The following ARHGEF19 variants were observed in gnomAD, a reference collection of about 807,000 sequenced individuals.
The protein encoded by ARHGEF19 is Rho guanine nucleotide exchange factor 19.
Under a neutral mutation model 87.6 loss-of-function variants are expected in ARHGEF19, and 92 were observed. The observed-to-expected ratio is 1.05, with a 90% confidence interval of 0.89 to 1.25. The LOEUF is 1.25. Ranked by LOEUF, ARHGEF19 falls within the 50% of genes most tolerant of loss-of-function variation. The probability of loss-of-function intolerance (pLI) is 0.00; values close to 1 mark genes in which losing one functional copy is unlikely to be tolerated. For synonymous variants in ARHGEF19, 438 were observed against 446.2 expected, an observed-to-expected ratio of 0.98 and a Z score of 0.23; for missense variants, 1,054 against 1,051.8, an observed-to-expected ratio of 1.00 and a Z score of -0.03.
intron 1 of ARHGEF19, among the ~76,000 whole-genome samples, chr1:16,210,157 C>T (rs1330283155): frequency 1.3e-5 from 2 of 152,256 alleles, no homozygotes; most frequent in African/African-American, 4.8e-5. Flanking sequence ...GGCCCAGGCC[C>T]GCTGCTGATG....
chr1:16,208,360 A>G, intron 2 of ARHGEF19, 135 bp from the exon 3 acceptor site: 2 of 1,212,996 alleles, frequency 1.6e-6, no homozygotes, highest in Middle Eastern at 5.8e-4. Flanking sequence ...TTCTGCTAGC[A>G]TCTGGTCCCC....
In ARHGEF19 at chr1:16,205,810, C is replaced by A; in HGVS notation, c.1451+121G>T. The A allele has an allele frequency of 6.7e-7, 1 of 1,492,648 alleles. No individual in the cohort carries two copies. The highest frequency in any genetic ancestry group is 9.0e-7 in the Non-Finnish European group (1 of 1,114,628). The allele number at this position is 1,492,648 out of a possible 1,614,324, so 92.5% of individuals were successfully genotyped here. On this transcript the variant is annotated intron_variant, in intron 8 of 15. Transcript: ENST00000270747. This position sits in a 1 kb window ranked among gnomAD's most constrained non-coding sequence, Gnocchi z 5.8. ...GTTGCATCTCACCTTATCCTGGTCA[C>A]AGAGACCTTTTCAGGGACCCCTCCC...
chr1:16,204,687 A>G (rs950980793), intron 12 of ARHGEF19, 72 bp downstream of exon 12: 221 of 1,491,806 alleles, frequency 1.5e-4, no homozygotes, highest in Non-Finnish European at 1.8e-4. Flanking sequence ...TGGACTGGTC[A>G]TAAGCCCAGT....
rs1286353476 is a variant in ARHGEF19, at chr1:16,207,124, C to T, written c.961G>A (p.Ala321Thr). ...CCCGGCCCCTCCTCTGCGCCCTCGG[C>T]CTCGTCCCCCGGGCCCTCCTCCTCG... ...QREEEGPGDE[A>T]EGAEEGPGPP... The change falls in exon 6 of 16, where the codon GCC becomes ACC. Residue 321 changes from alanine to threonine, a missense_variant. Coordinates refer to ENST00000270747, the MANE Select transcript of ARHGEF19 (RefSeq NM_153213.5). This position sits in a 1 kb window ranked among gnomAD's most constrained non-coding sequence, Gnocchi z 4.0. 1 of 1,520,884 alleles carries T rather than the reference C, an allele frequency of 6.6e-7. No individual in the cohort carries two copies. The highest frequency in any genetic ancestry group is 8.8e-7 in the Non-Finnish European group (1 of 1,138,280). 94.2% of individuals were successfully genotyped at this position (1,520,884 alleles called of 1,614,324 possible).
rs2081163245 is a variant in ARHGEF19 at position 16,208,146 on chromosome 1, C to G, written c.492G>C (p.Gln164His). 1.9e-6 allele frequency: 3 copies of G among 1,613,438 alleles called. No homozygotes were observed. Among genetic ancestry groups the G allele is most frequent in the South Asian group, 1.1e-5 (1 of 91,062 alleles). Residue 164 changes from glutamine to histidine, a missense_variant, in exon 3 of 16, where the codon CAG becomes CAC. Transcript: ENST00000270747. ...EAHAVFLEPG[Q>H]VVQEQALSTE... Reference sequence around the variant, plus strand: ...TGCTCAGGGCCTGCTCTTGCACTACCTGGCCAGGCTCTAGGAAGACAGCGT... The same window carrying G: ...TGCTCAGGGCCTGCTCTTGCACTACGTGGCCAGGCTCTAGGAAGACAGCGT...
rs765521418 is a variant in ARHGEF19 at position 16,208,851 on chromosome 1, C to T, written c.204G>A (p.Gly68=). ...GCAACCCTTGGAGAGGGGCAGGGGT[C>T]CCCAGGGACCAGCGGCTGCCAGGAG... ...LRAPGSRWSL[G]TPAPLQGLLW... Residue 68 remains glycine (G), a synonymous_variant, in exon 2 of 16, where the codon GGG becomes GGA. Transcript: ENST00000270747. The T allele has an allele frequency of 1.9e-6, 3 of 1,607,706 alleles. No individual in the cohort carries two copies. The highest frequency in any genetic ancestry group is 2.2e-5 in the East Asian group (1 of 44,852).
Position 16,198,716 on chromosome 1 carries a change from A to G in ARHGEF19, c.2280T>C (p.Asp760=), listed in dbSNP as rs937351728. The G allele has an allele frequency of 2.5e-6, 4 of 1,610,326 alleles. No individual in the cohort carries two copies. The highest frequency in any genetic ancestry group is 2.7e-5 in the African/African-American group (2 of 74,748). ...DGWLEGVRLA[D]GEKGWVPQAY... is the part of the protein sequence containing the mutation. ...CCTGGGGCACCCACCCCTTCTCACC[A>G]TCTGCCAGGCGGACCCCTTCCAGCC... Residue 760 remains aspartate (D), a synonymous_variant, in exon 16 of 16, where the codon GAT becomes GAC. Coordinates refer to ENST00000270747, the MANE Select transcript of ARHGEF19 (RefSeq NM_153213.5). This position sits in a 1 kb window ranked among gnomAD's most constrained non-coding sequence, Gnocchi z 4.1.
At position 16,207,461 on chromosome 1, in the gene ARHGEF19, C is replaced by G. The variant is rs1557541912; in HGVS notation, c.874+61G>C. The G allele has an allele frequency of 1.2e-5, 19 of 1,592,704 alleles. No homozygotes were observed. The highest frequency in any genetic ancestry group is 1.5e-5 in the Non-Finnish European group (18 of 1,163,926). On this transcript the variant is annotated intron_variant, in intron 5 of 15. Coordinates refer to ENST00000270747, the MANE Select transcript of ARHGEF19 (RefSeq NM_153213.5). This position sits in a 1 kb window ranked among gnomAD's most constrained non-coding sequence, Gnocchi z 4.0. ...TCAACTCTCCAAACCCTCTTTTCCC[C>G]GTTTCCACACCGCAGCCCCTTCCTC...
chr1:16,207,628 T>G lies in ARHGEF19; in HGVS notation c.798-30A>C. 6.2e-7 allele frequency: 1 copy of G among 1,613,988 alleles called. No homozygotes were observed. Among genetic ancestry groups the G allele is most frequent in the East Asian group, 2.2e-5 (1 of 44,866 alleles). ...GAAAGAGAGAGCGTCACGGCCCTAGTTCGCCTGCACCCTGTCTCGGACCCA... is the reference window on the plus strand; with the variant it reads ...GAAAGAGAGAGCGTCACGGCCCTAGGTCGCCTGCACCCTGTCTCGGACCCA... On this transcript the variant is annotated intron_variant, in intron 4 of 15. Transcript: ENST00000270747. This position sits in a 1 kb window ranked among gnomAD's most constrained non-coding sequence, Gnocchi z 4.0.
chr1:16,205,066 C>G lies in ARHGEF19; in HGVS notation c.1746+21G>C. The G allele has an allele frequency of 6.3e-7, 1 of 1,586,304 alleles. No individual in the cohort carries two copies. ...AGAGCTGCCCCTTGGGGTCCCCATC[C>G]CGCTGGCTGCAGACACACACCTTGC... On this transcript the variant is annotated intron_variant, in intron 11 of 15. Coordinates refer to ENST00000270747, the MANE Select transcript of ARHGEF19 (RefSeq NM_153213.5). This position sits in a 1 kb window ranked among gnomAD's most constrained non-coding sequence, Gnocchi z 5.8.
chr1:16,199,329 G>A lies in ARHGEF19; in HGVS notation c.2147-75C>T, dbSNP rs187675960. 24 of 1,282,162 alleles carry A rather than the reference G, an allele frequency of 1.9e-5. No homozygotes were observed. In the African/African-American group the frequency reaches 2.9e-4, roughly 16 times the overall value. 79.4% of individuals were successfully genotyped at this position (1,282,162 alleles called of 1,614,324 possible). A position where few individuals can be genotyped will look rare whatever the true frequency, so the allele number is the denominator to read the frequency against. ...GGAGGAGCATGGGTAGGGCAGGGAGGGGCAGTAGGAGGAAGTAAGGGGGTG... is the reference window on the plus strand; with the variant it reads ...GGAGGAGCATGGGTAGGGCAGGGAGAGGCAGTAGGAGGAAGTAAGGGGGTG... On this transcript the variant is annotated intron_variant, in intron 14 of 15. Transcript: ENST00000270747.
chr1:16,202,318 AGGGGTGCCCGCCATGGGGAC>A (rs879663954), intron 13 of ARHGEF19, 78 bp downstream of exon 13: 35 of 1,447,652 alleles, frequency 2.4e-5, no homozygotes, highest in Non-Finnish European at 3.2e-5. Context: ...AGGATGTCCC[AGGGGTGCCCGCCATGGGGAC>A]GGGGTGCCCA....
chr1:16,208,554 C>G (rs375050294), intron 2 of ARHGEF19, 89 bp downstream of exon 2: 45 of 1,451,658 alleles, frequency 3.1e-5, no homozygotes, highest in Non-Finnish European at 3.5e-5. Flanking sequence ...TTTGGGGGAA[C>G]CTTGGGACAT....
Position 16,206,485 on chromosome 1 carries a change from C to A in ARHGEF19, c.1138-145G>T, listed in dbSNP as rs560370724. The A allele has an allele frequency of 2.7e-4, 228 of 832,364 alleles. 1 individual carries two copies. The highest frequency in any genetic ancestry group is 1.2e-3 in the Admixed American group (44 of 36,076). The allele number at this position is 832,364 out of a possible 1,614,324, so 51.6% of individuals were successfully genotyped here. A position where few individuals can be genotyped will look rare whatever the true frequency, so the allele number is the denominator to read the frequency against. ...CTCCTAATCTGGCGCCGGGCGGGCC[C>A]GGCGACCCACGTCCCGCCGCGGGAA... is the stretch of plus-strand genomic sequence containing the variant. On this transcript the variant is annotated intron_variant, in intron 6 of 15. Transcript: ENST00000270747. The surrounding 1 kb of genome is among the most constrained non-coding windows in gnomAD (Gnocchi z 4.6).
Position 16,198,452 on chromosome 1 carries a change from G to C in ARHGEF19, c.*135C>G. ...GGAGGCGCCCCCATTCCTGTGTCCA[G>C]CCTGTGCCCTCAATGCCAAGGCCAC... is the stretch of plus-strand genomic sequence containing the variant. On this transcript the variant is annotated 3_prime_UTR_variant, in exon 16 of 16. Transcript: ENST00000270747. This position sits in a 1 kb window ranked among gnomAD's most constrained non-coding sequence, Gnocchi z 4.1. 1 of 1,185,348 alleles carries C rather than the reference G, an allele frequency of 8.4e-7. No individual in the cohort carries two copies. The highest frequency in any genetic ancestry group is 1.2e-6 in the Non-Finnish European group (1 of 863,444). The allele number at this position is 1,185,348 out of a possible 1,614,324, so 73.4% of individuals were successfully genotyped here.
Position 16,206,508 on chromosome 1 carries a change from G to C in ARHGEF19, c.1138-168C>G. The C allele has an allele frequency of 1.4e-6, 1 of 713,166 alleles. No homozygotes were observed. Among genetic ancestry groups the C allele is most frequent in the Non-Finnish European group, 2.4e-6 (1 of 422,432 alleles). The allele number at this position is 713,166 out of a possible 1,614,324, so 44.2% of individuals were successfully genotyped here. On this transcript the variant is annotated intron_variant, in intron 6 of 15. Transcript: ENST00000270747. This position sits in a 1 kb window ranked among gnomAD's most constrained non-coding sequence, Gnocchi z 4.6. ...CCCGGCGACCCACGTCCCGCCGCGG[G>C]AAATTGTGCAAGCCTTTCCTGTCCT...
Position 16,208,883 on chromosome 1 carries a change from G to C in ARHGEF19, c.172C>G (p.Leu58Val). The C allele has an allele frequency of 6.2e-7, 1 of 1,602,800 alleles. No individual in the cohort carries two copies. The highest frequency in any genetic ancestry group is 8.5e-7 in the Non-Finnish European group (1 of 1,176,650). Residue 58 changes from leucine to valine, a missense_variant, in exon 2 of 16, where the codon CTT (leucine) becomes GTT (valine). Leu to Val is a conservative substitution (Grantham distance 32, BLOSUM62 1). Transcript: ENST00000270747. ...LDLFPVAPEE[L>V]RAPGSRWSLG... Reference sequence around the variant, plus strand: ...GACCAGCGGCTGCCAGGAGCCCGAAGCTCCTCTGGGGCAACAGGGAAAAGG... The same window carrying C: ...GACCAGCGGCTGCCAGGAGCCCGAACCTCCTCTGGGGCAACAGGGAAAAGG...
In ARHGEF19 at chr1:16,207,470, A is replaced by T. The variant is rs374519054; in HGVS notation, c.874+52T>A. Reference sequence around the variant, plus strand: ...CAAACCCTCTTTTCCCCGTTTCCACACCGCAGCCCCTTCCTCCGTTACCTC... The same window carrying T: ...CAAACCCTCTTTTCCCCGTTTCCACTCCGCAGCCCCTTCCTCCGTTACCTC... On this transcript the variant is annotated intron_variant, in intron 5 of 15. Transcript: ENST00000270747. The surrounding 1 kb of genome is among the most constrained non-coding windows in gnomAD (Gnocchi z 4.0). 9.7e-5 allele frequency: 155 copies of T among 1,601,292 alleles called. No homozygotes were observed. The highest frequency in any genetic ancestry group is 1.3e-4 in the Non-Finnish European group (154 of 1,170,778).
In ARHGEF19 at chr1:16,205,526, C is replaced by T. The variant is rs200366015; in HGVS notation, c.1581+12G>A. 451 of 1,613,864 alleles carry T rather than the reference C, an allele frequency of 2.8e-4. No individual in the cohort carries two copies. Among genetic ancestry groups the T allele is most frequent in the Non-Finnish European group, 3.3e-4 (391 of 1,179,976 alleles). On this transcript the variant is annotated intron_variant, in intron 9 of 15. Coordinates refer to ENST00000270747, the MANE Select transcript of ARHGEF19 (RefSeq NM_153213.5). This position sits in a 1 kb window ranked among gnomAD's most constrained non-coding sequence, Gnocchi z 5.8. ...CGCCCAGCCCTCACTGTGGCCTGTC[C>T]CCTCGAGGTACCTCCACCAACATCT...
Sources: gnomAD v4.1 joint callset for allele counts (sites outside exome capture counted in the v4.1 genomes callset) on GRCh38, gnomAD v4.1.1 for gene constraint, Gnocchi (gnomAD v3.1) non-coding constraint, MANE v1.5 for transcripts, NCBI Gene and HGNC (gene_info 2026-07-23, HGNC 2026-07-21) for gene names.